The following ITPR3 variants were observed in gnomAD, a reference collection of about 807,000 sequenced individuals.
ITPR3 encodes the protein inositol 1,4,5-trisphosphate-gated calcium channel ITPR3.
ITPR3 carries 173 observed loss-of-function variants against 293.2 expected under a neutral mutation model. That is an observed-to-expected ratio of 0.59 (90% confidence interval 0.52 to 0.67). ITPR3 has a LOEUF of 0.67. ITPR3 is among the 30% of genes least tolerant of loss of function. The pLI, the probability that ITPR3 is intolerant of heterozygous loss-of-function variation, is 0.00. For synonymous variants in ITPR3, 1,295 were observed against 1,444.4 expected (o/e 0.90, Z 2.35); for missense variants, 2,796 against 3,592.1 (o/e 0.78, Z 5.66).
chr6:33,623,828 G>T (rs942046241), intron 1 of ITPR3, among the ~76,000 whole-genome samples: 1 of 152,058 alleles, frequency 6.6e-6, no homozygotes, highest in Non-Finnish European at 1.5e-5. Flanking sequence ...CTACGCCGGG[G>T]TACCCCCTCC....
intron 1 of ITPR3, among the ~76,000 whole-genome samples, chr6:33,629,119 T>C (rs1763614393): frequency 6.6e-6 from 1 of 152,220 alleles, no homozygotes; most frequent in African/African-American, 2.4e-5. Context: ...GGGAAGCATT[T>C]AGAACACCAA....
intron 1 of ITPR3, among the ~76,000 whole-genome samples, chr6:33,622,237 C>T (rs777631304): frequency 6.6e-6 from 1 of 152,130 alleles, no homozygotes; most frequent in Non-Finnish European, 1.5e-5. Context: ...CTTCAAGGTC[C>T]TGGCCAGCTG....
intron 9 of ITPR3, 64 bp downstream of exon 9, chr6:33,663,070 C>A: frequency 7.5e-7 from 1 of 1,332,816 alleles, no homozygotes; most frequent in Non-Finnish European, 1.1e-6. Context: ...TGTGCGGGAA[C>A]ATGTGTGCAC....
At position 33,667,373 on chromosome 6, in the gene ITPR3, C is replaced by A; in HGVS notation, c.1713+83C>A. 6.7e-7 allele frequency: 1 copy of A among 1,501,912 alleles called. No individual in the cohort carries two copies. The highest frequency in any genetic ancestry group is 8.9e-7 in the Non-Finnish European group (1 of 1,120,504). 93.0% of individuals were successfully genotyped at this position (1,501,912 alleles called of 1,614,324 possible). ...ATTTCCTCAGGCACATGTGCTGTGC[C>A]AGGCACTGTTTTGGGGCCTAGGGTC... On this transcript the variant is annotated intron_variant, in intron 15 of 57. Transcript: ENST00000605930. The surrounding 1 kb of genome is among the most constrained non-coding windows in gnomAD (Gnocchi z 4.4).
intron 1 of ITPR3, among the ~76,000 whole-genome samples, chr6:33,626,143 C>G (rs34213779): frequency 1.3e-5 from 2 of 152,120 alleles, no homozygotes; most frequent in African/African-American, 4.8e-5. Context: ...CCTTGCTGCC[C>G]AAGCTAATCT....
rs756329741 is a variant in ITPR3, at chr6:33,671,334, C to G, written c.2728+28C>G. 3.2e-6 allele frequency: 5 copies of G among 1,556,778 alleles called. No individual in the cohort carries two copies. The South Asian group carries it at 5.6e-5, about 18-fold the overall frequency. ...GAGGCCTTTGCCCGGCTCGGGCCAC[C>G]CTGGTGGTCCTCAGCCTCCTCCTAG... is the stretch of plus-strand genomic sequence containing the variant. On this transcript the variant is annotated intron_variant, in intron 21 of 57. Coordinates refer to ENST00000605930, the MANE Select transcript of ITPR3 (RefSeq NM_002224.4).
At position 33,682,665 on chromosome 6, in the gene ITPR3, G is replaced by A. The variant is rs771556497; in HGVS notation, c.4597+21G>A. 13 of 1,586,080 alleles carry A rather than the reference G, an allele frequency of 8.2e-6. No homozygotes were observed. The highest frequency in any genetic ancestry group is 1.1e-5 in the Non-Finnish European group (13 of 1,169,108). On this transcript the variant is annotated intron_variant, in intron 34 of 57. Transcript: ENST00000605930. This position sits in a 1 kb window ranked among gnomAD's most constrained non-coding sequence, Gnocchi z 5.4. ...GGTGGGTGAGTGTGCCGGGGCACTG[G>A]CCAGCCCCAAACCACTCCTCCTGCC...
chr6:33,662,881 C>T (rs1189475684), intron 8 of ITPR3, 30 bp from the exon 9 acceptor site: 1 of 1,563,188 alleles, frequency 6.4e-7, no homozygotes, highest in Non-Finnish European at 8.7e-7. Context: ...TCCAGTCTCT[C>T]CTTCCTGCCT....
Position 33,621,368 on chromosome 6 carries a change from G to A in ITPR3, c.-235G>A, listed in dbSNP as rs957788165. On this transcript the variant is annotated 5_prime_UTR_variant, in exon 1 of 58. Transcript: ENST00000605930. The surrounding 1 kb of genome is among the most constrained non-coding windows in gnomAD (Gnocchi z 7.7). ...CTGCAGGTACGCGCGGGCCGGGCGG[G>A]GCGGGCGGGCGGCGGGCGCGCCAAG... 1 of 247,994 alleles carries A rather than the reference G, an allele frequency of 4.0e-6. No homozygotes were observed. Among genetic ancestry groups the A allele is most frequent in the South Asian group, 1.5e-4 (1 of 6,554 alleles). 15.4% of individuals were successfully genotyped at this position (247,994 alleles called of 1,614,324 possible).
In ITPR3 at chr6:33,682,520, G is replaced by A. The variant is rs1249829149; in HGVS notation, c.4477-4G>A. ...GCAGCAGCGGGCTCTGTGACTTCTT[G>A]CAGACACACCAGACGATTGTGGTGC... On this transcript the variant is annotated splice_region_variant and splice_polypyrimidine_tract_variant and intron_variant, in intron 33 of 57. Transcript: ENST00000605930. This position sits in a 1 kb window ranked among gnomAD's most constrained non-coding sequence, Gnocchi z 5.4. 7 of 1,516,502 alleles carry A rather than the reference G, an allele frequency of 4.6e-6. No homozygotes were observed. The highest frequency in any genetic ancestry group is 6.2e-6 in the Non-Finnish European group (7 of 1,130,894). 93.9% of individuals were successfully genotyped at this position (1,516,502 alleles called of 1,614,324 possible). A position where few individuals can be genotyped will look rare whatever the true frequency, so the allele number is the denominator to read the frequency against.
Position 33,632,980 on chromosome 6 carries a change from G to A in ITPR3, c.90-7504G>A, listed in dbSNP as rs1763718705. Among the ~76,000 whole-genome samples, 1 of 152,264 alleles carries A rather than the reference G, an allele frequency of 6.6e-6. No homozygotes were observed. The highest frequency in any genetic ancestry group is 6.5e-5 in the Admixed American group (1 of 15,288). On this transcript the variant is annotated intron_variant, in intron 1 of 57. Transcript: ENST00000605930. The surrounding 1 kb of genome is among the most constrained non-coding windows in gnomAD (Gnocchi z 4.1). ...ATTCTCTGACCAGCTGTGTGGCTCA[G>A]GGGTTCCATCCACTCTGTGGGCCTC...
At position 33,692,365 on chromosome 6, in the gene ITPR3, C is replaced by T. The variant is rs1273347879; in HGVS notation, c.7459-363C>T. 6.6e-6 allele frequency among the ~76,000 whole-genome samples: 1 copy of T among 152,144 alleles called. No individual in the cohort carries two copies. The highest frequency in any genetic ancestry group is 2.4e-5 in the African/African-American group (1 of 41,434). On this transcript the variant is annotated intron_variant, in intron 54 of 57. Coordinates refer to ENST00000605930, the MANE Select transcript of ITPR3 (RefSeq NM_002224.4). This position sits in a 1 kb window ranked among gnomAD's most constrained non-coding sequence, Gnocchi z 4.2. The stretch of plus-strand genomic sequence containing the variant: ...GGTTTCTGGAATGTGTGAGGCCAGG[C>T]GTCCTGAGGGTGGGCAGAGGTGTTC...
At position 33,693,692 on chromosome 6, in the gene ITPR3, C is replaced by G. The variant is rs1354523687; in HGVS notation, c.7772C>G (p.Ala2591Gly). 5 of 1,613,998 alleles carry G rather than the reference C, an allele frequency of 3.1e-6. No homozygotes were observed. In the African/African-American group the frequency reaches 6.7e-5, roughly 22 times the overall value. ...TDYTGPESYV[A>G]QMIKNKNLDW... ...TACACGGGCCCTGAGAGCTACGTGGCCCAGATGATCAAGGTGTGAGCAGGG... is the reference window on the plus strand; with the variant it reads ...TACACGGGCCCTGAGAGCTACGTGGGCCAGATGATCAAGGTGTGAGCAGGG... The change falls in exon 56 of 58, where the codon GCC becomes GGC. Residue 2591 changes from alanine to glycine, a missense_variant. Coordinates refer to ENST00000605930, the MANE Select transcript of ITPR3 (RefSeq NM_002224.4).
In ITPR3 at chr6:33,687,562, A is replaced by T. The variant is rs1765268027; in HGVS notation, c.6262A>T (p.Met2088Leu). 1.3e-5 allele frequency: 18 copies of T among 1,354,214 alleles called. No homozygotes were observed. The East Asian group carries it at 1.9e-4, about 15-fold the overall frequency. 83.9% of individuals were successfully genotyped at this position (1,354,214 alleles called of 1,614,324 possible). Residue 2088 changes from methionine to leucine, a missense_variant and splice_region_variant, in exon 46 of 58, where the codon ATG becomes TTG. This residue lies in a region of ITPR3 where 568 missense variants were observed against 796.1 expected (regional missense o/e 0.71). Transcript: ENST00000605930. The surrounding 1 kb of genome is among the most constrained non-coding windows in gnomAD (Gnocchi z 5.3). ...GGAGGAGGCCGAGGGTATCTCTTCC[A>T]TGGTGGGTGCTGGCCCCGAGACTGG... ...QEEEAEGISS[M>L]LSLNNKQLSQ...
At chr6:33,631,467 T>C (rs1763677672) in intron 1 of ITPR3, among the ~76,000 whole-genome samples, 1 of 152,188 alleles carries the variant, frequency 6.6e-6, no homozygotes, top group African/African-American at 2.4e-5. Context: ...GAAGGCAGCA[T>C]ATGTCAGCGT....
rs1269308053 is a variant in ITPR3 at position 33,684,631 on chromosome 6, T to C, written c.5080T>C (p.Tyr1694His). ...NQLRKMLLQN[Y>H]LQNRKSTSRG... ...GCTGCGCAAGATGCTGCTGCAAAAC[T>C]ACCTCCAGAACCGGAAGTCCACCTC... Residue 1694 changes from tyrosine (Y) to histidine (H), a missense_variant, in exon 38 of 58, where the codon TAC becomes CAC. This residue lies in a region of ITPR3 where 704 missense variants were observed against 797.5 expected (regional missense o/e 0.88). Transcript: ENST00000605930. The surrounding 1 kb of genome is among the most constrained non-coding windows in gnomAD (Gnocchi z 4.2). 2 of 1,614,088 alleles carry C rather than the reference T, an allele frequency of 1.2e-6. No homozygotes were observed. Among genetic ancestry groups the C allele is most frequent in the South Asian group, 2.2e-5 (2 of 91,088 alleles).
chr6:33,678,759 C>T lies in ITPR3; in HGVS notation c.3892C>T (p.Gln1298Ter), dbSNP rs1234875475. The part of the protein sequence containing the change: ...HLLATHGRHV[Q>*]YLDFLHTVIK... The stretch of plus-strand genomic sequence containing the variant: ...GCTGGCCACGCACGGGCGCCATGTG[C>T]AGTACCTGGACTTCCTGCACACCGT... Residue 1298 changes from glutamine (Q) to a stop codon, truncating the protein, a stop_gained, in exon 30 of 58, where the codon CAG (glutamine) becomes TAG (stop). Transcript: ENST00000605930. LOFTEE classifies it high-confidence loss of function. The T allele has an allele frequency of 1.2e-6, 2 of 1,613,552 alleles. No individual in the cohort carries two copies. Among genetic ancestry groups the T allele is most frequent in the Admixed American group, 1.7e-5 (1 of 59,980 alleles).
chr6:33,652,235 T>G (rs1037187378), intron 2 of ITPR3, among the ~76,000 whole-genome samples: 7 of 152,008 alleles, frequency 4.6e-5, no homozygotes, highest in Non-Finnish European at 1.0e-4. Flanking sequence ...CGTAACCTCT[T>G]CCTCCCTCCA....
Position 33,686,484 on chromosome 6 carries a change from T to G in ITPR3, c.5944T>G (p.Cys1982Gly). The stretch of plus-strand genomic sequence containing the variant: ...GATCCTCAATGACATCAGCCCCCTG[T>G]GCAAGTACCGCATGGATCTGGTGCT... ...ALILNDISPL[C>G]KYRMDLVLQL... The change falls in exon 43 of 58, where the codon TGC becomes GGC. Residue 1982 changes from cysteine to glycine, a missense_variant. Coordinates refer to ENST00000605930, the MANE Select transcript of ITPR3 (RefSeq NM_002224.4). The G allele has an allele frequency of 6.2e-7, 1 of 1,614,234 alleles. No homozygotes were observed. Among genetic ancestry groups the G allele is most frequent in the Non-Finnish European group, 8.5e-7 (1 of 1,180,044 alleles).
Sources: allele counts gnomAD v4.1 joint callset (sites outside exome capture counted in the v4.1 genomes callset), GRCh38; gene constraint gnomAD v4.1.1; regional missense constraint gnomAD v4.1.1; non-coding constraint Gnocchi (gnomAD v3.1); transcripts MANE v1.5; gene names NCBI Gene and HGNC (gene_info 2026-07-23, HGNC 2026-07-21).